The following MED12L variants were observed in gnomAD, a reference collection of about 807,000 sequenced individuals.
MED12L encodes the protein mediator complex subunit 12L.
Under a neutral mutation model 281.3 loss-of-function variants are expected in MED12L, and 60 were observed. The ratio of observed to expected loss-of-function variants is 0.21; its 90% CI spans 0.17 to 0.26. MED12L has a LOEUF of 0.26. MED12L is among the 10% of genes least tolerant of loss of function. The pLI is 1.00. For synonymous variants in MED12L, 974 were observed against 987.2 expected, an observed-to-expected ratio of 0.99 and a Z score of 0.25; for missense variants, 2,146 against 2,680.9, an observed-to-expected ratio of 0.80 and a Z score of 4.41.
intron 24 of MED12L, 134 bp from the exon 25 acceptor site, chr3:151,368,016 C>T: frequency 2.4e-6 from 2 of 830,850 alleles, no homozygotes; most frequent in South Asian, 1.9e-5. Context: ...AGAAAAATAG[C>T]CAGGGCCTTA....
intron 2 of MED12L, among the ~76,000 whole-genome samples, chr3:151,105,217 T>A (rs1012703589): frequency 3.3e-5 from 5 of 152,270 alleles, no homozygotes; most frequent in African/African-American, 1.2e-4. Flanking sequence ...CCATCTCCCT[T>A]TCTTCCTGTT....
In MED12L at chr3:151,376,055, A is replaced by C; in HGVS notation, c.3894A>C (p.Glu1298Asp). The change falls in exon 28 of 45, where the codon GAA (glutamate) becomes GAC (aspartate). Residue 1298 changes from glutamate (E) to aspartate (D), a missense_variant. Coordinates refer to ENST00000687756, the MANE Select transcript of MED12L (RefSeq NM_001393769.1). ...GGGTAGGAGAGCATTGCTTAAAAGA[A>C]CCTGAAAGATTATGTACAGACAAAG... is the stretch of plus-strand genomic sequence containing the variant. Reference protein sequence around the residue: ...QEWVGEHCLKEPERLCTDKEL... With the variant: ...QEWVGEHCLKDPERLCTDKEL... 1 of 1,595,650 alleles carries C rather than the reference A, an allele frequency of 6.3e-7. No individual in the cohort carries two copies. Among genetic ancestry groups the C allele is most frequent in the Non-Finnish European group, 8.5e-7 (1 of 1,173,308 alleles).
chr3:151,285,188 A>G (rs1389163899), intron 16 of MED12L, among the ~76,000 whole-genome samples: 1 of 152,182 alleles, frequency 6.6e-6, no homozygotes, highest in East Asian at 1.9e-4. Context: ...AGGCATAAGA[A>G]TAATACAGTG....
rs562984415 is a variant in MED12L at position 151,423,945 on chromosome 3, T to C, written c.6409-6354T>C. 9.2e-5 allele frequency among the ~76,000 whole-genome samples: 14 copies of C among 152,370 alleles called. No homozygotes were observed. In the East Asian group the frequency reaches 2.1e-3, roughly 23 times the overall value. On this transcript the variant is annotated intron_variant, in intron 43 of 44. Coordinates refer to ENST00000687756, the MANE Select transcript of MED12L (RefSeq NM_001393769.1). ...ATTGAATATTTGCCTTTTAAAAATA[T>C]GCATAATGGTAGCAGTAGTTACTTA...
intron 5 of MED12L, among the ~76,000 whole-genome samples, chr3:151,136,976 A>C (rs1209416845): frequency 6.6e-6 from 1 of 152,052 alleles, no homozygotes; most frequent in Non-Finnish European, 1.5e-5. Flanking sequence ...ATCCTGGCCA[A>C]CATGGTGAAA....
At chr3:151,194,451 A>G (rs2060080) in intron 16 of MED12L, among the ~76,000 whole-genome samples, 1,923 of 152,292 alleles carry the variant, frequency 0.013, 34 homozygotes, top group African/African-American at 0.038. Context: ...CCTCAAATAC[A>G]TGCAATAATT....
In MED12L at chr3:151,165,979, A is replaced by G. The variant is rs1312592077; in HGVS notation, c.1491A>G (p.Gln497=). The G allele has an allele frequency of 6.3e-7, 1 of 1,597,668 alleles. No homozygotes were observed. The highest frequency in any genetic ancestry group is 8.5e-7 in the Non-Finnish European group (1 of 1,174,710). The change falls in exon 11 of 45, where the codon CAA becomes CAG. Residue 497 remains glutamine, a synonymous_variant. Transcript: ENST00000687756. The part of the protein sequence containing the change: ...IFWANQNKDN[Q]EVAPNDEAVV... ...GGGCAAACCAAAACAAAGATAACCA[A>G]GAGGTAGTTAATTTTTTTTTAATTC...
chr3:151,353,040 A>G lies in MED12L; in HGVS notation c.2399-2081A>G, dbSNP rs1178758871. Among the ~76,000 whole-genome samples the G allele has an allele frequency of 3.3e-5, 5 of 152,212 alleles. No individual in the cohort carries two copies. The East Asian group carries it at 9.6e-4, about 29-fold the overall frequency. On this transcript the variant is annotated intron_variant, in intron 17 of 44. Transcript: ENST00000687756. ...CTTACATTTTGCTGTTAAAATGAGT[A>G]TAAATTGCTAAGAACCAATTACATT...
At position 151,365,036 on chromosome 3, in the gene MED12L, G is replaced by C. The variant is rs199576123; in HGVS notation, c.3015G>C (p.Ser1005=). Residue 1005 remains serine (S), a synonymous_variant, in exon 22 of 45, where the codon TCG becomes TCC. Transcript: ENST00000687756. ...ATAATAACGTGATGCCTGCAAATTC[G>C]AACTTGCGATGGGATCCAGACTTCA... ...TIYNNVMPAN[S]NLRWDPDFMM... 2.7e-5 allele frequency: 44 copies of C among 1,613,974 alleles called. No individual in the cohort carries two copies. The East Asian group carries it at 9.1e-4, about 34-fold the overall frequency.
chr3:151,176,787 A>G (rs933263470), intron 11 of MED12L, among the ~76,000 whole-genome samples: 13 of 152,226 alleles, frequency 8.5e-5, no homozygotes, highest in Admixed American at 4.6e-4. Flanking sequence ...TAAATGAGGA[A>G]TGGGAATGCT....
At chr3:151,101,937 A>C (rs1225231963) in intron 2 of MED12L, among the ~76,000 whole-genome samples, 1 of 152,140 alleles carries the variant, frequency 6.6e-6, no homozygotes, top group Non-Finnish European at 1.5e-5. Context: ...AGAGAGGAGA[A>C]TAGACAACAC....
In MED12L at chr3:151,086,790, G is replaced by C. The variant is rs1434199832; in HGVS notation, c.-129-8G>C. On this transcript the variant is annotated splice_polypyrimidine_tract_variant and splice_region_variant and intron_variant, in intron 1 of 44. Coordinates refer to ENST00000687756, the MANE Select transcript of MED12L (RefSeq NM_001393769.1). ...GCATCCAACCTGCTTTATTCCTCCT[G>C]CCTGCAGCGCCACAGCGAGCGAGCG... 1 of 657,394 alleles carries C rather than the reference G, an allele frequency of 1.5e-6. No individual in the cohort carries two copies. The highest frequency in any genetic ancestry group is 1.9e-5 in the African/African-American group (1 of 53,164). 40.7% of individuals were successfully genotyped at this position (657,394 alleles called of 1,614,324 possible). A position where few individuals can be genotyped will look rare whatever the true frequency, so the allele number is the denominator to read the frequency against.
intron 16 of MED12L, among the ~76,000 whole-genome samples, chr3:151,201,965 G>T (rs541476333): frequency 6.6e-6 from 1 of 152,180 alleles, no homozygotes; most frequent in African/African-American, 2.4e-5. Context: ...AGACGTATAT[G>T]GTAAAGAGAA....
rs531314345 is a variant in MED12L at position 151,161,033 on chromosome 3, G to A, written c.1107+932G>A. ...GGACATACATTATAAACTCTGTTGG[G>A]GGTCAGGGCATAGAAGATGCCCTGT... On this transcript the variant is annotated intron_variant, in intron 8 of 44. Transcript: ENST00000687756. Among the ~76,000 whole-genome samples, 7 of 152,320 alleles carry A rather than the reference G, an allele frequency of 4.6e-5. No homozygotes were observed. In the South Asian group the frequency reaches 1.4e-3, roughly 32 times the overall value.
intron 2 of MED12L, among the ~76,000 whole-genome samples, chr3:151,106,470 C>T (rs990886428): frequency 1.3e-5 from 2 of 151,836 alleles, no homozygotes; most frequent in African/African-American, 4.8e-5. Flanking sequence ...CACCATGCCC[C>T]GCCTGATGTC....
intron 2 of MED12L, among the ~76,000 whole-genome samples, chr3:151,092,597 A>C (rs1720200515): frequency 6.6e-6 from 1 of 152,238 alleles, no homozygotes; most frequent in Admixed American, 6.5e-5. Context: ...AAACTCTTAA[A>C]GGCATGAATG....
At chr3:151,117,747 CA>C (rs1473253831) in intron 3 of MED12L, among the ~76,000 whole-genome samples, 5 of 152,168 alleles carry the variant, frequency 3.3e-5, no homozygotes, top group Non-Finnish European at 7.3e-5. Context: ...ATGTTGTGCT[CA>C]AAAAATTTTT....
intron 16 of MED12L, among the ~76,000 whole-genome samples, chr3:151,307,780 C>G (rs9828553): frequency 0.46 from 70,539 of 151,890 alleles, 16,480 homozygotes; most frequent in Middle Eastern, 0.64. Context: ...TGAGCTCTAG[C>G]TTTTAAGACC....
chr3:151,092,301 T>G (rs1720154376), intron 2 of MED12L, among the ~76,000 whole-genome samples: 1 of 152,226 alleles, frequency 6.6e-6, no homozygotes, highest in Non-Finnish European at 1.5e-5. Context: ...TTAATATGTT[T>G]TGTAGCGCTT....
Sources: gnomAD v4.1 joint callset for allele counts (sites outside exome capture counted in the v4.1 genomes callset) on GRCh38, gnomAD v4.1.1 for gene constraint, MANE v1.5 for transcripts, NCBI Gene and HGNC (gene_info 2026-07-23, HGNC 2026-07-21) for gene names.